Variants in VPS11 observed in about 807,000 individuals in gnomAD.
VPS11 encodes VPS11 core subunit of CORVET and HOPS complexes.
Under a neutral mutation model 106.8 loss-of-function variants are expected in VPS11, and 51 were observed. The observed-to-expected ratio is 0.48, with a 90% CI of 0.38 to 0.60. The LOEUF (loss-of-function observed/expected upper bound fraction) is 0.60, where lower values mean the gene tolerates loss of function less well. VPS11 is among the 20% of genes least tolerant of loss of function. The pLI, the probability that VPS11 is intolerant of heterozygous loss-of-function variation, is 0.00. For synonymous variants in VPS11, 453 were observed against 458.7 expected, an observed-to-expected ratio of 0.99 and a Z score of 0.16; for missense variants, 950 against 1,190.0, an observed-to-expected ratio of 0.80 and a Z score of 2.97.
At chr11:119,073,070 T>C (rs1945459789) in intron 5 of VPS11, 128 bp from the exon 6 acceptor site, 2 of 1,028,822 alleles carry the variant, frequency 1.9e-6, no homozygotes, top group African/African-American at 1.6e-5. Context: ...CTGCATGTTA[T>C]GGGATGAGAG....
chr11:119,080,525 TG>T (rs1945814053), intron 14 of VPS11, among the ~76,000 whole-genome samples: 1 of 151,834 alleles, frequency 6.6e-6, no homozygotes, highest in Non-Finnish European at 1.5e-5. Context: ...CCTGCCATCA[TG>T]CCTGGCTAAT....
chr11:119,068,173 C>T, intron 1 of VPS11, 163 bp downstream of exon 1: 1 of 760,678 alleles, frequency 1.3e-6, no homozygotes, highest in Non-Finnish European at 2.0e-6. Flanking sequence ...AAGTCCATCT[C>T]CTAACTTGTT....
chr11:119,078,167 T>A lies in VPS11; in HGVS notation c.1762-6T>A. On this transcript the variant is annotated splice_region_variant and splice_polypyrimidine_tract_variant and intron_variant, in intron 10 of 15. Coordinates refer to ENST00000621676, the MANE Select transcript of VPS11 (RefSeq NM_021729.6). ...CAGCCTCCTTTTTCCTCTCTTGCCA[T>A]CCTAGGCCAACTCTGAGGAGTTCAT... 6.2e-7 allele frequency: 1 copy of A among 1,612,670 alleles called. No individual in the cohort carries two copies. Among genetic ancestry groups the A allele is most frequent in the Admixed American group, 1.7e-5 (1 of 60,010 alleles).
rs1395158168 is a variant in VPS11 at position 119,079,017 on chromosome 11, G to A, written c.2266+20G>A. On this transcript the variant is annotated intron_variant, in intron 13 of 15. Transcript: ENST00000621676. ...TTCTAGGTACTTGGGAAGACAGATGGGTGGGTGACAAGCTGCTGACAGCTG... is the reference window on the plus strand; with the variant it reads ...TTCTAGGTACTTGGGAAGACAGATGAGTGGGTGACAAGCTGCTGACAGCTG... The A allele has an allele frequency of 6.2e-7, 1 of 1,613,542 alleles. No homozygotes were observed. Among genetic ancestry groups the A allele is most frequent in the Admixed American group, 1.7e-5 (1 of 60,026 alleles).
Position 119,077,671 on chromosome 11 carries a change from C to T in VPS11, c.1572+24C>T, listed in dbSNP as rs782129716. 78 of 1,568,324 alleles carry T rather than the reference C, an allele frequency of 5.0e-5. 1 individual carries two copies. The highest frequency in any genetic ancestry group is 1.4e-5 in the Non-Finnish European group (16 of 1,156,078). On this transcript the variant is annotated intron_variant, in intron 9 of 15. Transcript: ENST00000621676. ...AGGTAGGTGAGACTGTCTTTTTTCC[C>T]CAAGAGACAGGGTCTCACTATGTTG... is the stretch of plus-strand genomic sequence containing the variant.
At position 119,073,337 on chromosome 11, in the gene VPS11, G is replaced by A. The variant is rs781940045; in HGVS notation, c.1024G>A (p.Val342Met). 3.8e-5 allele frequency: 61 copies of A among 1,613,846 alleles called. No homozygotes were observed. The highest frequency in any genetic ancestry group is 4.7e-5 in the Non-Finnish European group (56 of 1,179,894). ...GCTTGCTGAGTGGGGCTCCCTGTAC[G>A]TGCTGACGCGGGATGGGCGGGTCCA... ...DVLAEWGSLY[V>M]LTRDGRVHAL... The change falls in exon 6 of 16, where the codon GTG becomes ATG. Residue 342 changes from valine to methionine, a missense_variant. Val to Met is a conservative substitution (Grantham distance 21, BLOSUM62 1). Coordinates refer to ENST00000621676, the MANE Select transcript of VPS11 (RefSeq NM_021729.6).
At position 119,078,337 on chromosome 11, in the gene VPS11, G is replaced by A; in HGVS notation, c.1923+3G>A. 2 of 1,609,146 alleles carry A rather than the reference G, an allele frequency of 1.2e-6. No individual in the cohort carries two copies. Among genetic ancestry groups the A allele is most frequent in the South Asian group, 1.1e-5 (1 of 91,072 alleles). On this transcript the variant is annotated splice_donor_region_variant and intron_variant, in intron 11 of 15. Coordinates refer to ENST00000621676, the MANE Select transcript of VPS11 (RefSeq NM_021729.6). The stretch of plus-strand genomic sequence containing the variant: ...GGGCCCACGAGAAGGATCCACAGGT[G>A]AGGCCTGGCCAGGGCTTCAGGAGAA...
At chr11:119,076,823 G>T (rs1945637517) in intron 7 of VPS11, 74 bp from the exon 8 acceptor site, 2 of 1,539,022 alleles carry the variant, frequency 1.3e-6, no homozygotes, top group Non-Finnish European at 1.8e-6. Context: ...GAGAAGATCT[G>T]CAAGTGATTC....
Position 119,073,345 on chromosome 11 carries a change from G to C in VPS11, c.1032G>C (p.Thr344=). The change falls in exon 6 of 16, where the codon ACG becomes ACC. Residue 344 remains threonine, a synonymous_variant. Transcript: ENST00000621676. ...AGTGGGGCTCCCTGTACGTGCTGACGCGGGATGGGCGGGTCCACGCACTGC... is the reference window on the plus strand; with the variant it reads ...AGTGGGGCTCCCTGTACGTGCTGACCCGGGATGGGCGGGTCCACGCACTGC... ...LAEWGSLYVL[T]RDGRVHALQE... 1 of 1,613,846 alleles carries C rather than the reference G, an allele frequency of 6.2e-7. No homozygotes were observed. The highest frequency in any genetic ancestry group is 8.5e-7 in the Non-Finnish European group (1 of 1,179,888).
At chr11:119,075,104 A>T (rs892333539) in intron 7 of VPS11, among the ~76,000 whole-genome samples, 1 of 151,630 alleles carries the variant, frequency 6.6e-6, no homozygotes, top group Non-Finnish European at 1.5e-5. Context: ...GTCTCTACTA[A>T]AAAATACAAA....
At position 119,073,284 on chromosome 11, in the gene VPS11, G is replaced by A; in HGVS notation, c.971G>A (p.Ser324Asn). The A allele has an allele frequency of 5.0e-6, 8 of 1,614,026 alleles. No homozygotes were observed. Among genetic ancestry groups the A allele is most frequent in the Non-Finnish European group, 6.8e-6 (8 of 1,179,892 alleles). The change falls in exon 6 of 16, where the codon AGC (serine) becomes AAC (asparagine). Residue 324 changes from serine to asparagine, a missense_variant. Ser to Asn is a conservative substitution (Grantham distance 46). Around this residue, in one of 3 missense-constraint regions of VPS11, gnomAD observed 435 missense variants for 630.2 expected, o/e 0.69. Coordinates refer to ENST00000621676, the MANE Select transcript of VPS11 (RefSeq NM_021729.6). Reference protein sequence around the residue: ...YDLCNKFIAYSTVFEDVVDVL... With the variant: ...YDLCNKFIAYNTVFEDVVDVL... ...CTGTGCAACAAGTTCATAGCCTATA[G>A]CACCGTCTTTGAGGATGTAGTGGAT...
Position 119,081,502 on chromosome 11 carries a change from T to C in VPS11, c.2705T>C (p.Phe902Ser). 1 of 1,614,042 alleles carries C rather than the reference T, an allele frequency of 6.2e-7. No homozygotes were observed. Among genetic ancestry groups the C allele is most frequent in the Non-Finnish European group, 8.5e-7 (1 of 1,179,906 alleles). Residue 902 changes from phenylalanine (F) to serine (S), a missense_variant, in exon 16 of 16, where the codon TTT becomes TCT. Phe to Ser is a radical substitution (Grantham distance 155, BLOSUM62 -2). Coordinates refer to ENST00000621676, the MANE Select transcript of VPS11 (RefSeq NM_021729.6). ...NDSFSVIADY[F>S]GRGVFNKLTL... ...AGCTTTTCTGTGATTGCTGACTACTTTGGCAGAGGTGTTTTCAACAAATTG... is the reference window on the plus strand; with the variant it reads ...AGCTTTTCTGTGATTGCTGACTACTCTGGCAGAGGTGTTTTCAACAAATTG...
rs782530339 is a variant in VPS11 at position 119,079,191 on chromosome 11, C to A, written c.2329C>A (p.Gln777Lys). The change falls in exon 14 of 16, where the codon CAA becomes AAA. Residue 777 changes from glutamine to lysine, a missense_variant. By Grantham distance (53) the Gln-to-Lys change is moderately conservative (BLOSUM62 1). Transcript: ENST00000621676. Reference protein sequence around the residue: ...TLSVIRDYLVQKLQKQSQQIA... With the variant: ...TLSVIRDYLVKKLQKQSQQIA... ...CTCCGTCATCAGGGACTACCTGGTC[C>A]AAAAACTACAGAAACAGAGCCAGCA... The A allele has an allele frequency of 1.4e-4, 224 of 1,613,452 alleles. No individual in the cohort carries two copies. The highest frequency in any genetic ancestry group is 1.8e-4 in the Non-Finnish European group (213 of 1,179,720).
chr11:119,074,020 T>A, intron 7 of VPS11, 69 bp downstream of exon 7: 4 of 1,518,814 alleles, frequency 2.6e-6, no homozygotes, highest in Non-Finnish European at 3.6e-6. Flanking sequence ...CTAAAGCCCA[T>A]CCATGCTCCA....
intron 1 of VPS11, among the ~76,000 whole-genome samples, chr11:119,068,444 C>CTT (rs2133642278): frequency 3.1e-5 from 4 of 128,120 alleles, no homozygotes; most frequent in South Asian, 2.3e-4. Flanking sequence ...GCCTTTTTAC[C>CTT]TTTTTTTTTT....
chr11:119,072,922 T>C (rs1945454745), intron 5 of VPS11: 1 of 449,120 alleles, frequency 2.2e-6, no homozygotes, highest in Non-Finnish European at 4.1e-6. Context: ...ACATATACCA[T>C]GTATTGGATT....
At chr11:119,069,407 T>A in intron 2 of VPS11, 35 bp from the exon 3 acceptor site, 1 of 1,613,902 alleles carries the variant, frequency 6.2e-7, no homozygotes, top group African/African-American at 1.3e-5. Context: ...TGTTGGAGGA[T>A]GACTAGCATT....
chr11:119,073,379 GAC>G lies in VPS11; in HGVS notation c.1072_1073del (p.Gln358AspfsTer8), dbSNP rs1403408656. 1 of 1,613,124 alleles carries G rather than the reference GAC, an allele frequency of 6.2e-7. No homozygotes were observed. Among genetic ancestry groups the G allele is most frequent in the Admixed American group, 1.7e-5 (1 of 60,002 alleles). On this transcript the variant is annotated frameshift_variant, in exon 6 of 16. Transcript: ENST00000621676. LOFTEE classifies it high-confidence loss of function. Reference protein sequence around the residue: ...DGRVHALQEKDTQTKLEMLFK... With the variant: ...DGRVHALQEKXTQTKLEMLFK... ...GCGGGTCCACGCACTGCAGGAGAAGGACACACAGACCAAACTGGAGGCAAGGC... is the reference window on the plus strand; with the variant it reads ...GCGGGTCCACGCACTGCAGGAGAAGGACACAGACCAAACTGGAGGCAAGGC...
Position 119,076,972 on chromosome 11 carries a change from C to G in VPS11, c.1314C>G (p.Ala438=), listed in dbSNP as rs1592194588. Reference sequence around the variant, plus strand: ...CCCAGCGCATTCACAACCTGACTGCCTACCTGCAGACCCTGCACCGACAAT... The same window carrying G: ...CCCAGCGCATTCACAACCTGACTGCGTACCTGCAGACCCTGCACCGACAAT... ...LDAQRIHNLT[A]YLQTLHRQSL... The change falls in exon 8 of 16, where the codon GCC becomes GCG. Residue 438 remains alanine (A), a synonymous_variant. Transcript: ENST00000621676. 1 of 1,613,852 alleles carries G rather than the reference C, an allele frequency of 6.2e-7. No homozygotes were observed. Among genetic ancestry groups the G allele is most frequent in the African/African-American group, 1.3e-5 (1 of 74,922 alleles).
Sources: allele counts gnomAD v4.1 joint callset (sites outside exome capture counted in the v4.1 genomes callset), GRCh38; gene constraint gnomAD v4.1.1; regional missense constraint gnomAD v4.1.1; transcripts MANE v1.5; gene names NCBI Gene and HGNC (gene_info 2026-07-23, HGNC 2026-07-21).